LOXL2: variants seen among roughly 807,000 people sequenced by gnomAD.
The protein encoded by LOXL2 is lysyl oxidase homolog 2.
In LOXL2, 70 loss-of-function variants were observed where a neutral mutation model predicts 93.0. The observed-to-expected ratio is 0.75, with a 90% CI of 0.62 to 0.92. The LOEUF is 0.92. Among genes scored for constraint, LOXL2 ranks in the 40% least tolerant of loss-of-function variants. The pLI, the probability that LOXL2 is intolerant of heterozygous loss-of-function variation, is 0.00. For missense variants in LOXL2, 973 were observed against 1,054.9 expected, an observed-to-expected ratio of 0.92 and a Z score of 1.08; for synonymous variants, 438 against 413.2, an observed-to-expected ratio of 1.06 and a Z score of -0.73.
intron 3 of LOXL2, among the ~76,000 whole-genome samples, chr8:23,356,683 C>T (rs986217109): frequency 2.6e-5 from 4 of 152,184 alleles, no homozygotes; most frequent in Non-Finnish European, 5.9e-5. Context: ...GGCCAGAAAG[C>T]GTCCCCCTGG....
intron 3 of LOXL2, among the ~76,000 whole-genome samples, chr8:23,342,803 T>A (rs1585359994): frequency 6.6e-6 from 1 of 152,038 alleles, no homozygotes; most frequent in Non-Finnish European, 1.5e-5. Context: ...CAGGCTGGAG[T>A]GCAGTGGTGT....
intron 1 of LOXL2, among the ~76,000 whole-genome samples, chr8:23,394,876 TA>T (rs1049671290): frequency 1.1e-4 from 16 of 152,074 alleles, no homozygotes; most frequent in African/African-American, 3.4e-4. Context: ...CTGTCAACTA[TA>T]AATGGATTAA....
intron 2 of LOXL2, among the ~76,000 whole-genome samples, chr8:23,366,888 G>A (rs1165246381): frequency 2.0e-5 from 3 of 152,116 alleles, no homozygotes; most frequent in African/African-American, 7.2e-5. Flanking sequence ...GGGTTTCAGG[G>A]GTTCTTAGCC....
rs558566920 is a variant in LOXL2 at position 23,379,077 on chromosome 8, G to A, written c.-83-10643C>T. On this transcript the variant is annotated intron_variant, in intron 1 of 13. Transcript: ENST00000389131. ...CATCTTTGTGGTTTTATCTACCTTC[G>A]GTCCTTGATGATGGTGACATACAGA... is the stretch of plus-strand genomic sequence containing the variant. Among the ~76,000 whole-genome samples the A allele has an allele frequency of 5.9e-3, 901 of 152,186 alleles. 7 individuals carry two copies. Among genetic ancestry groups the A allele is most frequent in the African/African-American group, 0.018 (740 of 41,504 alleles).
intron 5 of LOXL2, 65 bp from the exon 6 acceptor site, chr8:23,328,630 C>G (rs1803626649): frequency 1.3e-6 from 2 of 1,491,730 alleles, no homozygotes; most frequent in African/African-American, 2.7e-5. Flanking sequence ...GACCACTGTC[C>G]CCGCCCCCTC....
In LOXL2 at chr8:23,296,905, A is replaced by G. The variant is rs1316372578; in HGVS notation, c.*1138T>C. 2.0e-5 allele frequency among the ~76,000 whole-genome samples: 3 copies of G among 152,250 alleles called. No individual in the cohort carries two copies. The highest frequency in any genetic ancestry group is 2.9e-5 in the Non-Finnish European group (2 of 68,042). ...ACTCCTATGCCTTCTGACAAGTTTC[A>G]GTAAAAACCACAGGAGTTCAAGAAA... On this transcript the variant is annotated 3_prime_UTR_variant, in exon 14 of 14. Coordinates refer to ENST00000389131, the MANE Select transcript of LOXL2 (RefSeq NM_002318.3).
chr8:23,380,307 T>G lies in LOXL2; in HGVS notation c.-83-11873A>C, dbSNP rs188237619. ...ACTCAGGAGGCTGAGGCAGGAGAAT[T>G]GCTTGAACCCAGGAGGCGGAGGTTG... On this transcript the variant is annotated intron_variant, in intron 1 of 13. Coordinates refer to ENST00000389131, the MANE Select transcript of LOXL2 (RefSeq NM_002318.3). Among the ~76,000 whole-genome samples the G allele has an allele frequency of 4.0e-5, 6 of 148,530 alleles. No homozygotes were observed. The Admixed American group carries it at 4.1e-4, about 10-fold the overall frequency.
chr8:23,356,451 T>C (rs544587662), intron 3 of LOXL2, among the ~76,000 whole-genome samples: 1 of 152,308 alleles, frequency 6.6e-6, no homozygotes, highest in African/African-American at 2.4e-5. Context: ...ATATCCCACG[T>C]AGGTGGTCCA....
At chr8:23,350,583 G>A (rs1432363034) in intron 3 of LOXL2, among the ~76,000 whole-genome samples, 1 of 152,072 alleles carries the variant, frequency 6.6e-6, no homozygotes, top group Non-Finnish European at 1.5e-5. Context: ...CAAAAAATAA[G>A]CTGCTGGTAA....
intron 5 of LOXL2, among the ~76,000 whole-genome samples, chr8:23,332,939 G>C (rs966888876): frequency 1.3e-5 from 2 of 150,030 alleles, no homozygotes; most frequent in South Asian, 4.2e-4. Context: ...TTTCACATAA[G>C]TATAATGTGA....
intron 5 of LOXL2, among the ~76,000 whole-genome samples, chr8:23,333,106 C>T (rs900488878): frequency 6.6e-6 from 1 of 152,128 alleles, no homozygotes; most frequent in Non-Finnish European, 1.5e-5. Context: ...TTCCAGCTGT[C>T]CTTTGGGAAC....
chr8:23,333,642 G>C lies in LOXL2; in HGVS notation c.744-19C>G, dbSNP rs766890648. ...AAACATTCTGCAGACGATGGGAGGG[G>C]ACAGGGGACCAGGGCATCATGACGC... is the stretch of plus-strand genomic sequence containing the variant. On this transcript the variant is annotated intron_variant, in intron 4 of 13. Coordinates refer to ENST00000389131, the MANE Select transcript of LOXL2 (RefSeq NM_002318.3). 4 of 1,597,472 alleles carry C rather than the reference G, an allele frequency of 2.5e-6. No individual in the cohort carries two copies. The African/African-American group carries it at 5.4e-5, about 21-fold the overall frequency.
chr8:23,333,329 C>CT, intron 5 of LOXL2, 72 bp downstream of exon 5: 1 of 1,387,114 alleles, frequency 7.2e-7, no homozygotes, highest in Non-Finnish European at 1.0e-6. Flanking sequence ...CCTGGGGGAT[C>CT]CTGCCTACTC....
At chr8:23,388,003 G>T (rs1201182811) in intron 1 of LOXL2, among the ~76,000 whole-genome samples, 1 of 152,068 alleles carries the variant, frequency 6.6e-6, no homozygotes, top group East Asian at 1.9e-4. Flanking sequence ...ATCTTTTCAG[G>T]CCTGTTGTAA....
At chr8:23,341,258 G>A in intron 3 of LOXL2, 55 bp from the exon 4 acceptor site, 2 of 1,406,176 alleles carry the variant, frequency 1.4e-6, no homozygotes, top group Non-Finnish European at 2.0e-6. Context: ...TGGCTGCAGA[G>A]ACACCAGGCA....
rs547529542 is a variant in LOXL2, at chr8:23,298,088, A to C, written c.2280T>G (p.Phe760Leu). 34 of 1,613,870 alleles carry C rather than the reference A, an allele frequency of 2.1e-5. 1 individual carries two copies. In the South Asian group the frequency reaches 3.2e-4, roughly 15 times the overall value. Residue 760 changes from phenylalanine to leucine, a missense_variant, in exon 14 of 14, where the codon TTT (phenylalanine) becomes TTG (leucine). Coordinates refer to ENST00000389131, the MANE Select transcript of LOXL2 (RefSeq NM_002318.3). ...TGTTTAAGAGCCCGCTGAAGTGCTC[A>C]AACTTTTTTTCCGTCTCTTCGCTGA... ...GSFSEETEKK[F>L]EHFSGLLNNQ...
intron 1 of LOXL2, among the ~76,000 whole-genome samples, chr8:23,387,201 G>A (rs1476896862): frequency 6.6e-6 from 1 of 152,202 alleles, no homozygotes; most frequent in Non-Finnish European, 1.5e-5. Flanking sequence ...GCTTTTGACT[G>A]CACGGCTGAG....
chr8:23,298,463 A>G (rs1213881661), intron 13 of LOXL2, among the ~76,000 whole-genome samples: 2 of 152,234 alleles, frequency 1.3e-5, no homozygotes, highest in African/African-American at 2.4e-5. Context: ...GAGACTAGAA[A>G]TAACAGTAGT....
intron 2 of LOXL2, among the ~76,000 whole-genome samples, chr8:23,360,919 T>A (rs1340498122): frequency 1.3e-5 from 2 of 152,030 alleles, no homozygotes; most frequent in East Asian, 3.9e-4. Flanking sequence ...TGTTTTTTTT[T>A]TAGACAGAGT....
Sources: gnomAD v4.1 joint callset for allele counts (sites outside exome capture counted in the v4.1 genomes callset) on GRCh38, gnomAD v4.1.1 for gene constraint, MANE v1.5 for transcripts, NCBI Gene and HGNC (gene_info 2026-07-23, HGNC 2026-07-21) for gene names.